Variants in GALNT2 observed in about 807,000 individuals in gnomAD.
GALNT2 encodes the protein polypeptide N-acetylgalactosaminyltransferase 2.
In GALNT2, 31 loss-of-function variants were observed where a neutral mutation model predicts 81.4. The ratio of observed to expected loss-of-function variants is 0.38; its 90% confidence interval spans 0.29 to 0.51. GALNT2 has a LOEUF of 0.51. GALNT2 is among the 20% of genes least tolerant of loss of function. The pLI is 0.87. For synonymous variants in GALNT2, 303 were observed against 287.4 expected, an observed-to-expected ratio of 1.05 and a Z score of -0.55; for missense variants, 629 against 765.7, an observed-to-expected ratio of 0.82 and a Z score of 2.11.
At chr1:230,122,807 G>A (rs763054072) in intron 1 of GALNT2, among the ~76,000 whole-genome samples, 8 of 152,128 alleles carry the variant, frequency 5.3e-5, no homozygotes, top group Admixed American at 2.6e-4. Context: ...CTCTGCACAC[G>A]CGTATAGTGC....
chr1:230,078,811 A>G (rs1259563450), intron 1 of GALNT2, among the ~76,000 whole-genome samples: 1 of 152,004 alleles, frequency 6.6e-6, no homozygotes, highest in Non-Finnish European at 1.5e-5. Context: ...TATTTTATTT[A>G]TTTATTTTTA....
At chr1:230,228,661 G>A (rs1236668813) in intron 3 of GALNT2, among the ~76,000 whole-genome samples, 2 of 151,936 alleles carry the variant, frequency 1.3e-5, no homozygotes, top group Admixed American at 6.6e-5. Context: ...GTGTAACCCT[G>A]CACCCATACC....
rs72650165 is a variant in GALNT2 at position 230,270,663 on chromosome 1, G to A, written c.1441-3782G>A. Among the ~76,000 whole-genome samples the A allele has an allele frequency of 7.8e-4, 119 of 152,292 alleles. 1 individual carries two copies. The highest frequency in any genetic ancestry group is 1.0e-4 in the Non-Finnish European group (7 of 68,034). ...TGCTTTTTTGCATAGCGTGTGACAC[G>A]GATGAGAAACGAGAGGGTAAGTAAT... On this transcript the variant is annotated intron_variant, in intron 14 of 15. Coordinates refer to ENST00000366672, the MANE Select transcript of GALNT2 (RefSeq NM_004481.5).
At chr1:230,252,999 A>T (rs1665597640) in intron 10 of GALNT2, among the ~76,000 whole-genome samples, 2 of 151,874 alleles carry the variant, frequency 1.3e-5, no homozygotes, top group Non-Finnish European at 2.9e-5. Flanking sequence ...GGCATGTGCC[A>T]CCGTGCCCGG....
chr1:230,207,492 A>C (rs1664098983), intron 3 of GALNT2, among the ~76,000 whole-genome samples: 1 of 152,228 alleles, frequency 6.6e-6, no homozygotes, highest in South Asian at 2.1e-4. Context: ...ATTTACATGG[A>C]ATCAGGAAGC....
At chr1:230,273,479 C>T (rs1666204856) in intron 14 of GALNT2, among the ~76,000 whole-genome samples, 1 of 152,128 alleles carries the variant, frequency 6.6e-6, no homozygotes, top group Non-Finnish European at 1.5e-5. Flanking sequence ...CCTTGCTGCC[C>T]CTCGATATTA....
intron 2 of GALNT2, among the ~76,000 whole-genome samples, chr1:230,197,868 G>A (rs1039358268): frequency 6.6e-6 from 1 of 152,166 alleles, no homozygotes; most frequent in African/African-American, 2.4e-5. Flanking sequence ...CTGTTGGCCA[G>A]CTCTGCACCC....
intron 14 of GALNT2, 53 bp downstream of exon 14, chr1:230,265,420 G>A: frequency 1.2e-6 from 2 of 1,609,010 alleles, no homozygotes; most frequent in Non-Finnish European, 8.5e-7. Context: ...AGCAGGAGTT[G>A]GGGGGGTCCT....
intron 1 of GALNT2, 29 bp downstream of exon 1, chr1:230,067,435 C>T: frequency 1.0e-6 from 1 of 969,374 alleles, no homozygotes. Flanking sequence ...CGCGGCCGGG[C>T]CCCTGCGCCC....
intron 1 of GALNT2, among the ~76,000 whole-genome samples, chr1:230,099,504 C>G (rs1279058027): frequency 6.6e-6 from 1 of 152,194 alleles, no homozygotes; most frequent in Non-Finnish European, 1.5e-5. Flanking sequence ...AGAGTTTTCT[C>G]TCCTCAGCAA....
At chr1:230,263,998 C>G (rs1441492673) in intron 13 of GALNT2, 1 of 152,214 alleles carries the variant, frequency 6.6e-6, no homozygotes. Flanking sequence ...TGGCCCATGC[C>G]CCCTAGGAGG....
intron 1 of GALNT2, among the ~76,000 whole-genome samples, chr1:230,116,178 G>T (rs550073893): frequency 6.6e-6 from 1 of 152,144 alleles, no homozygotes; most frequent in African/African-American, 2.4e-5. Context: ...ACTTGACTTT[G>T]CCCAGATCTA....
chr1:230,266,197 AAAACAAAC>A (rs57378356), intron 14 of GALNT2, among the ~76,000 whole-genome samples: 33 of 151,506 alleles, frequency 2.2e-4, no homozygotes, highest in Admixed American at 1.1e-3. Flanking sequence ...TCTGTCTCAA[AAAACAAAC>A]AAACAAACAA....
intron 1 of GALNT2, among the ~76,000 whole-genome samples, chr1:230,128,160 CT>C (rs1661251621): frequency 6.6e-6 from 1 of 152,180 alleles, no homozygotes; most frequent in South Asian, 2.1e-4. Flanking sequence ...TCTTAGTACT[CT>C]TCTGGCCATC....
rs982565537 is a variant in GALNT2, at chr1:230,223,195, T to TC, written c.375-12819_375-12818insC. On this transcript the variant is annotated intron_variant, in intron 3 of 15. Transcript: ENST00000366672. ...CACTTTATTTGTTTTTCTTTTCTTT[T>TC]TTTTTTTTTTTAATAGAGATGGGCT... is the stretch of plus-strand genomic sequence containing the variant. Among the ~76,000 whole-genome samples, 35 of 151,178 alleles carry TC rather than the reference T, an allele frequency of 2.3e-4. No individual in the cohort carries two copies. The East Asian group carries it at 2.5e-3, about 11-fold the overall frequency.
At chr1:230,267,111 A>T (rs1666058486) in intron 14 of GALNT2, among the ~76,000 whole-genome samples, 2 of 152,178 alleles carry the variant, frequency 1.3e-5, no homozygotes, top group South Asian at 4.1e-4. Context: ...ACATGCACCT[A>T]GACTCATGTG....
intron 1 of GALNT2, among the ~76,000 whole-genome samples, chr1:230,095,006 G>A (rs572979153): frequency 2.0e-5 from 3 of 152,266 alleles, no homozygotes; most frequent in East Asian, 3.9e-4. Context: ...CGTAGTTCAC[G>A]GTCACAGGAC....
In GALNT2 at chr1:230,128,257, A is replaced by ATGTG. The variant is rs59410758; in HGVS notation, c.127-49944_127-49941dup. Among the ~76,000 whole-genome samples the ATGTG allele has an allele frequency of 1.9e-4, 29 of 149,870 alleles. No homozygotes were observed. In the East Asian group the frequency reaches 2.6e-3, roughly 13 times the overall value. On this transcript the variant is annotated intron_variant, in intron 1 of 15. Transcript: ENST00000366672. ...CTTCTAAATGCAAGTGCGCTGGAGA[A>ATGTG]TGTGTGTGTGTGTGTGTGTGGTTAT... is the stretch of plus-strand genomic sequence containing the variant.
At chr1:230,076,789 C>T (rs1443071493) in intron 1 of GALNT2, among the ~76,000 whole-genome samples, 1 of 152,080 alleles carries the variant, frequency 6.6e-6, no homozygotes, top group African/African-American at 2.4e-5. Flanking sequence ...AGGCACCGTG[C>T]GTCCAGTGTA....
Sources: gnomAD v4.1 joint callset for allele counts (sites outside exome capture counted in the v4.1 genomes callset) on GRCh38, gnomAD v4.1.1 for gene constraint, MANE v1.5 for transcripts, NCBI Gene and HGNC (gene_info 2026-07-23, HGNC 2026-07-21) for gene names.